The following PSMC3 variants were observed in gnomAD, a reference collection of about 807,000 sequenced individuals.
The protein encoded by PSMC3 is 26S proteasome regulatory subunit 6A.
PSMC3 carries 11 observed loss-of-function variants against 52.0 expected under a neutral mutation model. The ratio of observed to expected loss-of-function variants is 0.21; its 90% CI spans 0.13 to 0.35. The LOEUF (loss-of-function observed/expected upper bound fraction) is 0.35. Among genes scored for constraint, PSMC3 ranks in the 10% least tolerant of loss-of-function variants. The pLI is 1.00. For missense variants in PSMC3, 238 were observed against 567.1 expected (o/e 0.42, Z 5.89); for synonymous variants, 201 against 218.8 (o/e 0.92, Z 0.72).
rs909193638 is a variant in PSMC3 at position 47,423,257 on chromosome 11, G to A, written c.592-284C>T. Among the ~76,000 whole-genome samples the A allele has an allele frequency of 3.9e-5, 6 of 152,094 alleles. No individual in the cohort carries two copies. The South Asian group carries it at 6.2e-4, about 16-fold the overall frequency. ...TACTAAAAATACAAAAACATTAGCC[G>A]GGCGGGGTGGTCGGGTGCCTGTAGT... On this transcript the variant is annotated intron_variant, in intron 6 of 11. Coordinates refer to ENST00000298852, the MANE Select transcript of PSMC3 (RefSeq NM_002804.5).
At chr11:47,419,722 G>C (rs935436048) in intron 10 of PSMC3, among the ~76,000 whole-genome samples, 2 of 152,142 alleles carry the variant, frequency 1.3e-5, no homozygotes, top group Non-Finnish European at 2.9e-5. Context: ...AGCCGGGCGT[G>C]GTGGCGGGCG....
intron 2 of PSMC3, chr11:47,425,527 C>T: frequency 1.8e-6 from 1 of 561,714 alleles, no homozygotes; most frequent in South Asian, 2.3e-5. Context: ...ATAGTAAGAA[C>T]TGGGTGCTTT....
chr11:47,422,654 G>A lies in PSMC3; in HGVS notation c.804C>T (p.Val268=). 6.2e-7 allele frequency: 1 copy of A among 1,614,152 alleles called. No homozygotes were observed. ...CCTTGGCCAGGGCAAAGGCATCCCGGACTAGCTTGGCACCATCTCCAATGA... is the reference window on the plus strand; with the variant it reads ...CCTTGGCCAGGGCAAAGGCATCCCGAACTAGCTTGGCACCATCTCCAATGA... ...QMFIGDGAKL[V]RDAFALAKEK... Residue 268 remains valine, a synonymous_variant, in exon 8 of 12, where the codon GTC becomes GTT. Coordinates refer to ENST00000298852, the MANE Select transcript of PSMC3 (RefSeq NM_002804.5). The surrounding 1 kb of genome is among the most constrained non-coding windows in gnomAD (Gnocchi z 4.3).
rs2096042368 is a variant in PSMC3, at chr11:47,422,950, T to G, written c.615A>C (p.Pro205=). Residue 205 remains proline (P), a synonymous_variant, in exon 7 of 12, where the codon CCA becomes CCC. Coordinates refer to ENST00000298852, the MANE Select transcript of PSMC3 (RefSeq NM_002804.5). This position sits in a 1 kb window ranked among gnomAD's most constrained non-coding sequence, Gnocchi z 4.3. ...IQELVEAIVL[P]MNHKEKFENL... ...TCTCAAACTTCTCCTTGTGGTTCAT[T>G]GGCAAGACAATGGCCTCCACCAGCT... 1.2e-6 allele frequency: 2 copies of G among 1,612,858 alleles called. No individual in the cohort carries two copies. The highest frequency in any genetic ancestry group is 1.3e-5 in the African/African-American group (1 of 74,854).
rs200101788 is a variant in PSMC3, at chr11:47,422,833, A to G, written c.732T>C (p.Thr244=). The change falls in exon 7 of 12, where the codon ACT becomes ACC. Residue 244 remains threonine, a synonymous_variant. Transcript: ENST00000298852. The surrounding 1 kb of genome is among the most constrained non-coding windows in gnomAD (Gnocchi z 4.3). The part of the protein sequence containing the change: ...TLLARACAAQ[T]KATFLKLAGP... ...GCATCCCTCCCAAAGTACTCACCTT[A>G]GTCTGTGCGGCACAGGCCCGGGCCA... is the stretch of plus-strand genomic sequence containing the variant. 255 of 1,609,786 alleles carry G rather than the reference A, an allele frequency of 1.6e-4. No homozygotes were observed. The highest frequency in any genetic ancestry group is 4.2e-5 in the Non-Finnish European group (49 of 1,177,352).
chr11:47,425,144 A>G lies in PSMC3; in HGVS notation c.262T>C (p.Tyr88His). 1 of 1,614,174 alleles carries G rather than the reference A, an allele frequency of 6.2e-7. No individual in the cohort carries two copies. The highest frequency in any genetic ancestry group is 8.5e-7 in the Non-Finnish European group (1 of 1,180,026). The change falls in exon 3 of 12, where the codon TAC becomes CAC. Residue 88 changes from tyrosine (Y) to histidine (H), a missense_variant. By Grantham distance (83) the Tyr-to-His change is moderately conservative (BLOSUM62 2). Around this residue, in one of 6 missense-constraint regions of PSMC3, gnomAD observed 21 missense variants for 95.6 expected, o/e 0.22. Coordinates refer to ENST00000298852, the MANE Select transcript of PSMC3 (RefSeq NM_002804.5). ...EKIKVNKTLP[Y>H]LVSNVIELLD... ...ACCTCGATGACGTTGGAGACAAGGT[A>G]CGGCAGGGTCTTGTTCACTTTGATT...
Position 47,420,249 on chromosome 11 carries a change from C to G in PSMC3, c.1127+15G>C, listed in dbSNP as rs749173140. ...CCTGTTCAGGTCTCTGTGCCCTGCC[C>G]GTGCTCCTGCTCACCTGACATTCAT... On this transcript the variant is annotated intron_variant, in intron 10 of 11. Coordinates refer to ENST00000298852, the MANE Select transcript of PSMC3 (RefSeq NM_002804.5). 3.1e-6 allele frequency: 5 copies of G among 1,613,660 alleles called. No individual in the cohort carries two copies. Among genetic ancestry groups the G allele is most frequent in the Non-Finnish European group, 4.2e-6 (5 of 1,179,874 alleles).
intron 8 of PSMC3, among the ~76,000 whole-genome samples, chr11:47,421,990 G>A (rs1383746698): frequency 6.6e-6 from 1 of 151,664 alleles, no homozygotes. Flanking sequence ...AGGGACCACT[G>A]TGGGTTCATG....
At chr11:47,420,771 G>A in intron 8 of PSMC3, 44 bp from the exon 9 acceptor site, 1 of 1,493,282 alleles carries the variant, frequency 6.7e-7, no homozygotes, top group Non-Finnish European at 9.1e-7. Context: ...GCACAGCTTA[G>A]GCAGAGCCCT....
At chr11:47,423,182 A>G (rs1296103968) in intron 6 of PSMC3, among the ~76,000 whole-genome samples, 4 of 149,308 alleles carry the variant, frequency 2.7e-5, no homozygotes, top group Non-Finnish European at 4.5e-5. Flanking sequence ...GGCGGATCAC[A>G]AGGTCAGGAG....
chr11:47,421,906 C>T (rs528803425), intron 8 of PSMC3, among the ~76,000 whole-genome samples: 2 of 152,176 alleles, frequency 1.3e-5, no homozygotes, highest in South Asian at 4.2e-4. Context: ...CCCACCTCAG[C>T]CTTCCAAAGT....
intron 1 of PSMC3, 121 bp downstream of exon 1, chr11:47,426,084 C>G: frequency 1.4e-6 from 2 of 1,419,098 alleles, no homozygotes; most frequent in South Asian, 2.5e-5. Flanking sequence ...TGCCCACATC[C>G]CAAACAACCC....
chr11:47,421,401 C>A (rs2096040312), intron 8 of PSMC3, among the ~76,000 whole-genome samples: 1 of 152,012 alleles, frequency 6.6e-6, no homozygotes, highest in Non-Finnish European at 1.5e-5. Flanking sequence ...CCCAGGCAGG[C>A]ATCCCCCGGG....
In PSMC3 at chr11:47,425,287, C is replaced by A. The variant is rs368217589; in HGVS notation, c.160-41G>T. On this transcript the variant is annotated intron_variant, in intron 2 of 11. Coordinates refer to ENST00000298852, the MANE Select transcript of PSMC3 (RefSeq NM_002804.5). ...GAGGAGAAGCAAATATAAACCCTGG[C>A]ACAGCTTATGCTAGAGCCCTGTAAC... The A allele has an allele frequency of 1.9e-6, 3 of 1,611,964 alleles. No individual in the cohort carries two copies. In the South Asian group the frequency reaches 3.3e-5, roughly 18 times the overall value.
Position 47,426,422 on chromosome 11 carries a change from C to G in PSMC3, c.-143G>C. 2.9e-6 allele frequency: 2 copies of G among 678,606 alleles called. No individual in the cohort carries two copies. The highest frequency in any genetic ancestry group is 4.6e-6 in the Non-Finnish European group (2 of 437,928). The allele number at this position is 678,606 out of a possible 1,614,324, so 42.0% of individuals were successfully genotyped here. Reference sequence around the variant, plus strand: ...CTTGACCCGACCAGCTCCGGCCGTGCTGCGGAGCAGCGAATCTGCCTCTCC... The same window carrying G: ...CTTGACCCGACCAGCTCCGGCCGTGGTGCGGAGCAGCGAATCTGCCTCTCC... On this transcript the variant is annotated 5_prime_UTR_variant, in exon 1 of 12. Transcript: ENST00000298852.
rs2096036551 is a variant in PSMC3 at position 47,418,956 on chromosome 11, GA to G, written c.1210-12del. The stretch of plus-strand genomic sequence containing the variant: ...CAGTGCGATCATGCCCTACAGCCGG[GA>G]CAAACAGAGTCTAGGTCTGAACGCC... On this transcript the variant is annotated splice_polypyrimidine_tract_variant and intron_variant, in intron 11 of 11. Transcript: ENST00000298852. The G allele has an allele frequency of 6.2e-7, 1 of 1,613,756 alleles. No homozygotes were observed. Among genetic ancestry groups the G allele is most frequent in the Admixed American group, 1.7e-5 (1 of 59,972 alleles).
chr11:47,423,948 A>G (rs1170318897), intron 6 of PSMC3, 98 bp downstream of exon 6: 3 of 1,531,478 alleles, frequency 2.0e-6, no homozygotes, highest in Admixed American at 1.7e-5. Context: ...CTAGGTTGCT[A>G]TGAGGATGAA....
intron 2 of PSMC3, 68 bp from the exon 3 acceptor site, chr11:47,425,314 A>T: frequency 6.3e-7 from 1 of 1,593,644 alleles, no homozygotes; most frequent in Non-Finnish European, 8.6e-7. Flanking sequence ...CCCTGTAACT[A>T]GTGAGGTCCA....
intron 3 of PSMC3, 50 bp downstream of exon 3, chr11:47,425,071 G>T (rs2096044859): frequency 6.2e-7 from 1 of 1,612,238 alleles, no homozygotes; most frequent in South Asian, 1.1e-5. Context: ...ACCCCAGGCT[G>T]TCCCCATTCC....
Sources: allele counts gnomAD v4.1 joint callset (sites outside exome capture counted in the v4.1 genomes callset), GRCh38; gene constraint gnomAD v4.1.1; regional missense constraint gnomAD v4.1.1; non-coding constraint Gnocchi (gnomAD v3.1); transcripts MANE v1.5; gene names NCBI Gene and HGNC (gene_info 2026-07-23, HGNC 2026-07-21).